Variants in NLGN4X observed in about 807,000 individuals in gnomAD.
NLGN4X encodes neuroligin-4, X-linked.
NLGN4X carries 3 observed loss-of-function variants against 40.3 expected under a neutral mutation model. The ratio of observed to expected loss-of-function variants is 0.07; its 90% CI spans 0.03 to 0.19. The LOEUF is 0.19. Ranked by LOEUF, NLGN4X falls within the 10% of genes least tolerant of loss-of-function variation. The pLI is 1.00. For synonymous variants in NLGN4X, 270 were observed against 306.8 expected (o/e 0.88, Z 1.25); for missense variants, 382 against 708.3 (o/e 0.54, Z 5.23).
At chrX:5,959,090 A>G (rs1259855233) in intron 3 of NLGN4X, among the ~76,000 whole-genome samples, 7 of 112,353 alleles carry the variant, frequency 6.2e-5, no homozygotes, top group Admixed American at 5.7e-4. Context: ...CTTCCACAGC[A>G]GACAGAAAAC....
intron 1 of NLGN4X, among the ~76,000 whole-genome samples, chrX:6,158,836 C>G (rs1055008929): frequency 1.8e-5 from 2 of 112,009 alleles, no homozygotes; most frequent in Non-Finnish European, 3.8e-5. Context: ...TTGTTTCCCT[C>G]CCCCATGTGT....
At chrX:6,097,887 C>CA (rs781625496) in intron 2 of NLGN4X, among the ~76,000 whole-genome samples, 5 of 110,643 alleles carry the variant, frequency 4.5e-5, no homozygotes, top group Admixed American at 1.9e-4. Context: ...AAATTGGTAA[C>CA]AAAGGTGAGC....
chrX:6,043,160 A>ACACACACACAC (rs33946128), intron 2 of NLGN4X, among the ~76,000 whole-genome samples: 12 of 100,891 alleles, frequency 1.2e-4, no homozygotes, highest in East Asian at 9.7e-4. Context: ...CACACACACA[A>ACACACACACAC]ACACACGTAT....
chrX:6,024,882 A>C (rs1478911903), intron 3 of NLGN4X, among the ~76,000 whole-genome samples: 1 of 111,940 alleles, frequency 8.9e-6, no homozygotes, highest in Admixed American at 9.4e-5. Context: ...ATAGCCAACT[A>C]GCAGCCCTCG....
intron 3 of NLGN4X, among the ~76,000 whole-genome samples, chrX:5,994,323 A>T (rs1402483004): frequency 8.9e-6 from 1 of 111,782 alleles, no homozygotes; most frequent in African/African-American, 3.3e-5. Context: ...TCCAGCCAGT[A>T]TGTACTTTAC....
rs1219213554 is a variant in NLGN4X, at chrX:6,095,109, G to A, written c.472+55886C>T. On this transcript the variant is annotated intron_variant, in intron 2 of 5. Coordinates refer to ENST00000381095, the MANE Select transcript of NLGN4X (RefSeq NM_181332.3). The stretch of plus-strand genomic sequence containing the variant: ...GCTTTAAGTACGTGCGTGCGTGTGT[G>A]TGTGTGTGTGTGTGTGTGTGTGTGT... Among the ~76,000 whole-genome samples, 3 of 26,140 alleles carry A rather than the reference G, an allele frequency of 1.1e-4. No individual in the cohort carries two copies. In the East Asian group the frequency reaches 1.8e-3, roughly 15 times the overall value. 22.7% of individuals were successfully genotyped at this position (26,140 alleles called of 115,157 possible).
Position 6,091,050 on chromosome X carries a change from AAGGGAGGG to A in NLGN4X, c.472+59937_472+59944del, listed in dbSNP as rs200150512. Among the ~76,000 whole-genome samples the A allele has an allele frequency of 2.0e-4, 18 of 88,434 alleles. No homozygotes were observed. In the South Asian group the frequency reaches 6.1e-3, roughly 30 times the overall value. The allele number at this position is 88,434 out of a possible 115,157, so 76.8% of individuals were successfully genotyped here. ...AAGGAAGGAAAAAATGGAAGGAAGG[AAGGGAGGG>A]AGGGAGGGAGGGAGCAACAGTGGTA... On this transcript the variant is annotated intron_variant, in intron 2 of 5. Transcript: ENST00000381095.
At chrX:6,202,611 A>G (rs1355891329) in intron 1 of NLGN4X, among the ~76,000 whole-genome samples, 3 of 111,331 alleles carry the variant, frequency 2.7e-5, no homozygotes, top group East Asian at 2.8e-4. Context: ...CTGGATTTAC[A>G]GGCATGAGCC....
chrX:5,980,720 C>T (rs2035361357), intron 3 of NLGN4X, among the ~76,000 whole-genome samples: 1 of 109,275 alleles, frequency 9.2e-6, no homozygotes, highest in Non-Finnish European at 1.9e-5. Context: ...ATGTACAGTT[C>T]TATGTGGTGT....
chrX:5,931,271 G>A (rs766546498), intron 3 of NLGN4X, among the ~76,000 whole-genome samples: 25 of 111,952 alleles, frequency 2.2e-4, no homozygotes, highest in Middle Eastern at 4.6e-3. Flanking sequence ...ATATTTTGGC[G>A]TCTATAGTCA....
In NLGN4X at chrX:5,890,433, T is replaced by C. The variant is rs1357790221; in HGVS notation, c.*2384A>G. ...TTATTCACTTAACAGGAACTCTGTT[T>C]TTCCTTATTCAAATGTCACAAGCCT... is the stretch of plus-strand genomic sequence containing the variant. On this transcript the variant is annotated 3_prime_UTR_variant, in exon 6 of 6. Transcript: ENST00000381095. 1 of 250,826 alleles carries C rather than the reference T, an allele frequency of 4.0e-6. No individual in the cohort carries two copies. Among genetic ancestry groups the C allele is most frequent in the Non-Finnish European group, 7.3e-6 (1 of 137,814 alleles). 20.7% of individuals were successfully genotyped at this position (250,826 alleles called of 1,213,427 possible).
intron 2 of NLGN4X, among the ~76,000 whole-genome samples, chrX:6,088,649 A>G: frequency 8.9e-6 from 1 of 112,106 alleles, no homozygotes; most frequent in African/African-American, 3.2e-5. Flanking sequence ...AGGGATTAAA[A>G]CTAGAAAGAG....
At chrX:5,905,392 T>C (rs2032120142) in intron 4 of NLGN4X, among the ~76,000 whole-genome samples, 1 of 112,237 alleles carries the variant, frequency 8.9e-6, no homozygotes, top group South Asian at 3.7e-4. Context: ...GCTCTTTCCC[T>C]CCATTCAAAT....
chrX:6,215,814 C>T (rs977817760), intron 1 of NLGN4X, among the ~76,000 whole-genome samples: 4 of 111,217 alleles, frequency 3.6e-5, no homozygotes, highest in Admixed American at 9.6e-5. Context: ...CTGGAGCCAT[C>T]CTGTCCTGTC....
chrX:6,079,484 C>T (rs961929009), intron 2 of NLGN4X, among the ~76,000 whole-genome samples: 1 of 112,383 alleles, frequency 8.9e-6, no homozygotes, highest in Non-Finnish European at 1.9e-5. Flanking sequence ...CACTACTGAT[C>T]CCAATCCAGC....
At chrX:6,156,775 C>T (rs1216627544) in intron 1 of NLGN4X, among the ~76,000 whole-genome samples, 1 of 109,320 alleles carries the variant, frequency 9.1e-6, no homozygotes, top group African/African-American at 3.3e-5. Context: ...ACCTGTGTGG[C>T]AGAATCAACT....
At chrX:5,970,180 A>G (rs2034982839) in intron 3 of NLGN4X, among the ~76,000 whole-genome samples, 1 of 110,044 alleles carries the variant, frequency 9.1e-6, no homozygotes, top group Non-Finnish European at 1.9e-5. Flanking sequence ...ATAATAAAAA[A>G]TAAATAAATA....
intron 1 of NLGN4X, among the ~76,000 whole-genome samples, chrX:6,175,564 T>C (rs1353092477): frequency 9.8e-6 from 1 of 102,005 alleles, no homozygotes; most frequent in Non-Finnish European, 2.0e-5. Flanking sequence ...AAAAGTAAGA[T>C]GGAACCAGAA....
intron 3 of NLGN4X, among the ~76,000 whole-genome samples, chrX:5,970,383 C>CT (rs1249290127): frequency 9.0e-6 from 1 of 111,384 alleles, no homozygotes; most frequent in African/African-American, 3.3e-5. Flanking sequence ...CTGCAGGACT[C>CT]TAAGCATTTT....
Sources: allele counts gnomAD v4.1 joint callset (sites outside exome capture counted in the v4.1 genomes callset), GRCh38; gene constraint gnomAD v4.1.1; transcripts MANE v1.5; gene names NCBI Gene and HGNC (gene_info 2026-07-23, HGNC 2026-07-21).